The following RC3H1 variants were observed in gnomAD, a reference collection of about 807,000 sequenced individuals.
RC3H1 encodes ring finger and CCCH-type domains 1.
Under a neutral mutation model 138.2 loss-of-function variants are expected in RC3H1, and 50 were observed. The ratio of observed to expected loss-of-function variants is 0.36; its 90% CI spans 0.29 to 0.46. The LOEUF (loss-of-function observed/expected upper bound fraction) is 0.46. Ranked by LOEUF, RC3H1 falls within the 20% of genes least tolerant of loss-of-function variation. RC3H1 has a pLI of 1.00. For missense variants in RC3H1, 1,031 were observed against 1,388.1 expected (o/e 0.74, Z 4.09); for synonymous variants, 462 against 489.1 (o/e 0.94, Z 0.73).
At chr1:173,980,043 A>ATT (rs1437654916) in intron 6 of RC3H1, among the ~76,000 whole-genome samples, 2 of 137,058 alleles carry the variant, frequency 1.5e-5, no homozygotes, top group African/African-American at 2.7e-5. Context: ...ACACCTGGCT[A>ATT]TTTTTTTTTT....
At chr1:174,001,639 G>A (rs1157729446) in intron 1 of RC3H1, among the ~76,000 whole-genome samples, 3 of 152,064 alleles carry the variant, frequency 2.0e-5, no homozygotes, top group Non-Finnish European at 4.4e-5. Context: ...GTTTCACCAC[G>A]TAGGCCAGGT....
intron 17 of RC3H1, among the ~76,000 whole-genome samples, chr1:173,946,205 C>A (rs75301927): frequency 0.054 from 8,145 of 150,900 alleles, 718 homozygotes; most frequent in African/African-American, 0.18. Context: ...AACAAACAAA[C>A]AAAAAAAACC....
At chr1:173,980,478 T>C (rs2025241) in intron 6 of RC3H1, among the ~76,000 whole-genome samples, 14,138 of 152,098 alleles carry the variant, frequency 0.093, 879 homozygotes, top group East Asian at 0.22. Flanking sequence ...ATTAAGATTT[T>C]AGTAAATGTT....
At chr1:173,995,704 C>T (rs1266922093) in intron 1 of RC3H1, among the ~76,000 whole-genome samples, 1 of 152,094 alleles carries the variant, frequency 6.6e-6, no homozygotes, top group Non-Finnish European at 1.5e-5. Flanking sequence ...TGATATTATT[C>T]TCACCAATCA....
Position 173,932,341 on chromosome 1 carries a change from C to CA in RC3H1, c.*6379dup, listed in dbSNP as rs1658415245. On this transcript the variant is annotated 3_prime_UTR_variant, in exon 20 of 20. Transcript: ENST00000367696. ...AGCCTAAAGACCAAATTACCATAGT[C>CA]AGAGAAAAAGGGCAGAAGGGGTAAC... 5.3e-5 allele frequency: 8 copies of CA among 151,838 alleles called. No individual in the cohort carries two copies. The highest frequency in any genetic ancestry group is 5.2e-4 in the Admixed American group (8 of 15,254). The allele number at this position is 151,838 out of a possible 1,614,324, so 9.4% of individuals were successfully genotyped here. A position where few individuals can be genotyped will look rare whatever the true frequency, so the allele number is the denominator to read the frequency against.
chr1:173,961,139 C>T lies in RC3H1; in HGVS notation c.2308G>A (p.Val770Ile), dbSNP rs779533515. Reference sequence around the variant, plus strand: ...GGTGCAAAAGGAGGTGGAGAGATAACCTTTCTTTCCTCTAGCTGGGCCATT... The same window carrying T: ...GGTGCAAAAGGAGGTGGAGAGATAATCTTTCTTTCCTCTAGCTGGGCCATT... ...EIMAQLEERKVISPPPFAPSP... is the reference protein window; with the variant it reads ...EIMAQLEERKIISPPPFAPSP... The change falls in exon 13 of 20, where the codon GTT (valine) becomes ATT (isoleucine). Residue 770 changes from valine (V) to isoleucine (I), a missense_variant. Val to Ile is a conservative substitution (Grantham distance 29). Around this residue, in one of 7 missense-constraint regions of RC3H1, gnomAD observed 716 missense variants for 837.9 expected, o/e 0.85. Transcript: ENST00000367696. 4 of 1,613,760 alleles carry T rather than the reference C, an allele frequency of 2.5e-6. No homozygotes were observed. Among genetic ancestry groups the T allele is most frequent in the Non-Finnish European group, 2.5e-6 (3 of 1,179,906 alleles).
Position 173,962,018 on chromosome 1 carries a change from G to A in RC3H1, c.1909C>T (p.Pro637Ser), listed in dbSNP as rs573863205. 44 of 1,614,142 alleles carry A rather than the reference G, an allele frequency of 2.7e-5. No individual in the cohort carries two copies. The East Asian group carries it at 9.8e-4, about 36-fold the overall frequency. Residue 637 changes from proline to serine, a missense_variant, in exon 12 of 20, where the codon CCC becomes TCC. Around this residue, in one of 7 missense-constraint regions of RC3H1, gnomAD observed 716 missense variants for 837.9 expected, o/e 0.85. Transcript: ENST00000367696. The stretch of plus-strand genomic sequence containing the variant: ...TAGGGTGGATAATGATCCAAGTAGG[G>A]AGGAGCAGGTTCAGGAGCAGATGGT... ...PPPSAPEPAP[P>S]YLDHYPPYLQ... is the part of the protein sequence containing the mutation.
intron 9 of RC3H1, among the ~76,000 whole-genome samples, chr1:173,965,683 T>C (rs367584033): frequency 9.2e-5 from 14 of 152,230 alleles, no homozygotes; most frequent in East Asian, 3.8e-4. Context: ...CTAAAACTTA[T>C]TGGAGAAGCT....
intron 1 of RC3H1, among the ~76,000 whole-genome samples, chr1:174,000,119 T>C (rs771196209): frequency 4.6e-5 from 7 of 152,266 alleles, no homozygotes; most frequent in Non-Finnish European, 8.8e-5. Flanking sequence ...GTGAATTCTA[T>C]GGTATGTAAA....
rs1348827500 is a variant in RC3H1, at chr1:173,934,392, C to G, written c.*4329G>C. ...ACAATATTACAAAAGACGACATTCA[C>G]TGGCTTAGAGAAACTGATGAATTTT... On this transcript the variant is annotated 3_prime_UTR_variant, in exon 20 of 20. Coordinates refer to ENST00000367696, the MANE Select transcript of RC3H1 (RefSeq NM_172071.4). 1 of 152,180 alleles carries G rather than the reference C, an allele frequency of 6.6e-6. No individual in the cohort carries two copies. The highest frequency in any genetic ancestry group is 1.5e-5 in the Non-Finnish European group (1 of 68,022). 9.4% of individuals were successfully genotyped at this position (152,180 alleles called of 1,614,324 possible).
At chr1:173,940,150 A>C (rs542948730) in intron 19 of RC3H1, among the ~76,000 whole-genome samples, 43 of 152,290 alleles carry the variant, frequency 2.8e-4, no homozygotes, top group African/African-American at 1.0e-3. Flanking sequence ...TAAAACTAGC[A>C]AGAGGCTAAA....
chr1:173,938,670 T>C lies in RC3H1; in HGVS notation c.*51A>G, dbSNP rs2102827924. The C allele has an allele frequency of 7.0e-7, 1 of 1,426,782 alleles. No individual in the cohort carries two copies. The highest frequency in any genetic ancestry group is 9.5e-7 in the Non-Finnish European group (1 of 1,047,524). The allele number at this position is 1,426,782 out of a possible 1,614,324, so 88.4% of individuals were successfully genotyped here. A position where few individuals can be genotyped will look rare whatever the true frequency, so the allele number is the denominator to read the frequency against. ...GAAGTTATGCGTTCTCCTACCCCTA[T>C]GCCCGACAAACTGATTAGGAGCAGA... On this transcript the variant is annotated 3_prime_UTR_variant, in exon 20 of 20. Transcript: ENST00000367696.
rs375480748 is a variant in RC3H1 at position 173,964,835 on chromosome 1, G to C, written c.1616+4C>G. 1.0e-5 allele frequency: 16 copies of C among 1,607,910 alleles called. No homozygotes were observed. In the African/African-American group the frequency reaches 2.1e-4, roughly 22 times the overall value. On this transcript the variant is annotated splice_donor_region_variant and intron_variant, in intron 10 of 19. Coordinates refer to ENST00000367696, the MANE Select transcript of RC3H1 (RefSeq NM_172071.4). The stretch of plus-strand genomic sequence containing the variant: ...TTGAAATAAGAGTTAGAAAAATGAC[G>C]TACAGGTCAGGAGGGGATCCAGGAG...
At chr1:173,966,489 G>A (rs1457068180) in intron 9 of RC3H1, among the ~76,000 whole-genome samples, 1 of 152,130 alleles carries the variant, frequency 6.6e-6, no homozygotes, top group Non-Finnish European at 1.5e-5. Context: ...GCCGAGGCGG[G>A]CAGATCACCT....
Position 173,961,797 on chromosome 1 carries a change from T to G in RC3H1, c.2130A>C (p.Glu710Asp). The change falls in exon 12 of 20, where the codon GAA becomes GAC. Residue 710 changes from glutamate to aspartate, a missense_variant. By Grantham distance (45) the Glu-to-Asp change is conservative (BLOSUM62 2). This residue lies in a region of RC3H1 where 716 missense variants were observed against 837.9 expected (regional missense o/e 0.85). Transcript: ENST00000367696. ...AVPSYVPESR[E>D]RYQQIESYYP... ...AGTAACTCTCGATCTGTTGGTATCTTTCTCTGGATTCTGGTACATACGATG... is the reference window on the plus strand; with the variant it reads ...AGTAACTCTCGATCTGTTGGTATCTGTCTCTGGATTCTGGTACATACGATG... 1 of 1,613,546 alleles carries G rather than the reference T, an allele frequency of 6.2e-7. No homozygotes were observed. The highest frequency in any genetic ancestry group is 8.5e-7 in the Non-Finnish European group (1 of 1,180,002).
At chr1:174,006,316 C>G (rs1186979770) in intron 1 of RC3H1, among the ~76,000 whole-genome samples, 2 of 152,190 alleles carry the variant, frequency 1.3e-5, no homozygotes, top group African/African-American at 4.8e-5. Flanking sequence ...CAACTATCTT[C>G]ATATACTCCC....
chr1:173,968,056 T>C (rs1660198920), intron 9 of RC3H1, among the ~76,000 whole-genome samples: 2 of 152,332 alleles, frequency 1.3e-5, no homozygotes, highest in South Asian at 4.1e-4. Context: ...TGATGTGAAA[T>C]GCCACCTTTA....
chr1:173,998,776 A>G (rs1557950812), intron 1 of RC3H1, among the ~76,000 whole-genome samples: 1 of 152,142 alleles, frequency 6.6e-6, no homozygotes, highest in Non-Finnish European at 1.5e-5. Context: ...ACAAAGAAAT[A>G]AAGATCTTAT....
chr1:173,983,347 C>T (rs767930736), intron 4 of RC3H1, 71 bp downstream of exon 4: 22 of 1,549,924 alleles, frequency 1.4e-5, no homozygotes, highest in Middle Eastern at 3.4e-4. Context: ...AGGCTTTGTA[C>T]ATCACTTATA....
Sources: allele counts gnomAD v4.1 joint callset (sites outside exome capture counted in the v4.1 genomes callset), GRCh38; gene constraint gnomAD v4.1.1; regional missense constraint gnomAD v4.1.1; transcripts MANE v1.5; gene names NCBI Gene and HGNC (gene_info 2026-07-23, HGNC 2026-07-21).